The following RTL1 variants were observed in gnomAD, a reference collection of about 807,000 sequenced individuals.
RTL1 encodes retrotransposon Gag like 1, also known as retrotransposon-like protein 1.
For synonymous variants in RTL1, 727 were observed against 748.4 expected, an observed-to-expected ratio of 0.97 and a Z score of 0.47; for missense variants, 1,681 against 1,767.5, an observed-to-expected ratio of 0.95 and a Z score of 0.88.
rs747974765 is a variant in RTL1 at position 100,881,136 on chromosome 14, C to T, written c.3653G>A (p.Arg1218His). The change falls in exon 4 of 4, where the codon CGC becomes CAC. Residue 1218 changes from arginine (R) to histidine (H), a missense_variant. Physicochemically the swap from Arg to His is conservative, Grantham distance 29. Coordinates refer to ENST00000649591, the MANE Select transcript of RTL1 (RefSeq NM_001134888.3). This position sits in a 1 kb window ranked among gnomAD's most constrained non-coding sequence, Gnocchi z 6.6. ...ACCAACGACGTGCAGCTCCAGGTAG[C>T]GGTTCTGACGCAGGGCAGGGAGGTG... ...EGHLPALRQN[R>H]YLELHVVGDE... 2.7e-5 allele frequency: 42 copies of T among 1,559,036 alleles called. No homozygotes were observed. Among genetic ancestry groups the T allele is most frequent in the Middle Eastern group, 3.3e-4 (2 of 6,010 alleles).
At chr14:100,894,342 G>GAA (rs1273462658) in intron 2 of RTL1, among the ~76,000 whole-genome samples, 1 of 147,680 alleles carries the variant, frequency 6.8e-6, no homozygotes, top group African/African-American at 2.5e-5. Context: ...AAAAAGAAAA[G>GAA]AAAAAAACGT....
intron 2 of RTL1, among the ~76,000 whole-genome samples, chr14:100,900,318 A>G (rs183291104): frequency 6.6e-6 from 1 of 152,338 alleles, no homozygotes; most frequent in East Asian, 1.9e-4. Context: ...GTGTGTTAGT[A>G]CAGCCTTACC....
chr14:100,897,064 C>T (rs1212199077), intron 2 of RTL1, among the ~76,000 whole-genome samples: 1 of 152,202 alleles, frequency 6.6e-6, no homozygotes, highest in Non-Finnish European at 1.5e-5. Context: ...GGTGAAATCA[C>T]AGCCCTGGGC....
Position 100,884,347 on chromosome 14 carries a change from C to T in RTL1, c.442G>A (p.Glu148Lys), listed in dbSNP as rs373117193. ...HTDLKESGRE[E>K]TPQEQNQTEH... is the part of the protein sequence containing the mutation. ...GTCTGGTTTTGCTCTTGAGGAGTCT[C>T]CTCCCTTCCCGATTCCTTCAGGTCA... The change falls in exon 4 of 4, where the codon GAG becomes AAG. Residue 148 changes from glutamate (E) to lysine (K), a missense_variant. Glu to Lys is a moderately conservative substitution (Grantham distance 56, BLOSUM62 1). Transcript: ENST00000649591. 1 of 1,555,370 alleles carries T rather than the reference C, an allele frequency of 6.4e-7. No homozygotes were observed. Among genetic ancestry groups the T allele is most frequent in the African/African-American group, 1.4e-5 (1 of 73,380 alleles).
intron 2 of RTL1, among the ~76,000 whole-genome samples, chr14:100,902,343 A>T (rs1320289394): frequency 6.6e-6 from 1 of 152,138 alleles, no homozygotes; most frequent in Non-Finnish European, 1.5e-5. Context: ...GGGCGCCTCT[A>T]CACCTGTCCT....
At position 100,880,137 on chromosome 14, in the gene RTL1, G is replaced by T. The variant is rs2038585540; in HGVS notation, c.*575C>A. ...CTGAAGCAGATGTGGTGGGGGTGGGGGTGGGTTTGCTTGCAGGGTGTGATG... is the reference window on the plus strand; with the variant it reads ...CTGAAGCAGATGTGGTGGGGGTGGGTGTGGGTTTGCTTGCAGGGTGTGATG... On this transcript the variant is annotated 3_prime_UTR_variant, in exon 4 of 4. Transcript: ENST00000649591. Among the ~76,000 whole-genome samples, 1 of 147,942 alleles carries T rather than the reference G, an allele frequency of 6.8e-6. No individual in the cohort carries two copies. Among genetic ancestry groups the T allele is most frequent in the African/African-American group, 2.5e-5 (1 of 39,844 alleles).
At position 100,882,498 on chromosome 14, in the gene RTL1, G is replaced by C. The variant is rs1330094720; in HGVS notation, c.2291C>G (p.Ser764Cys). The C allele has an allele frequency of 1.3e-6, 2 of 1,551,984 alleles. No homozygotes were observed. Among genetic ancestry groups the C allele is most frequent in the Non-Finnish European group, 1.7e-6 (2 of 1,147,092 alleles). Residue 764 changes from serine to cysteine, a missense_variant, in exon 4 of 4, where the codon TCC (serine) becomes TGC (cysteine). Ser to Cys is a moderately radical substitution (Grantham distance 112). Transcript: ENST00000649591. Reference protein sequence around the residue: ...VRFRHHNVYCSLDKSQFHRQT... With the variant: ...VRFRHHNVYCCLDKSQFHRQT... Reference sequence around the variant, plus strand: ...GCGGTGGAACTGGCTCTTGTCCAGGGAGCAGTAGACGTTGTGATGGCGGAA... The same window carrying C: ...GCGGTGGAACTGGCTCTTGTCCAGGCAGCAGTAGACGTTGTGATGGCGGAA...
At chr14:100,894,589 C>A (rs1394455110) in intron 2 of RTL1, 1 of 152,432 alleles carries the variant, frequency 6.6e-6, no homozygotes, top group Non-Finnish European at 1.5e-5. Flanking sequence ...CTTCCCTCAG[C>A]ACACAGTAGG....
chr14:100,897,441 C>G (rs1163713594), intron 2 of RTL1, among the ~76,000 whole-genome samples: 1 of 152,108 alleles, frequency 6.6e-6, no homozygotes, highest in Non-Finnish European at 1.5e-5. Context: ...CCATCACCCC[C>G]CAGCAAATTA....
At chr14:100,887,224 A>G (rs778347664) in intron 3 of RTL1, among the ~76,000 whole-genome samples, 2 of 152,146 alleles carry the variant, frequency 1.3e-5, no homozygotes, top group Non-Finnish European at 2.9e-5. Flanking sequence ...CTTAATTCCA[A>G]ACCTCTTCGC....
At position 100,897,686 on chromosome 14, in the gene RTL1, A is replaced by G. The variant is rs1014188784; in HGVS notation, c.-148-4181T>C. The G allele has an allele frequency of 2.2e-5, 5 of 225,780 alleles. No individual in the cohort carries two copies. The South Asian group carries it at 3.0e-4, about 13-fold the overall frequency. 14.0% of individuals were successfully genotyped at this position (225,780 alleles called of 1,614,324 possible). On this transcript the variant is annotated intron_variant, in intron 2 of 3. Transcript: ENST00000649591. ...CACCTCAGTATCCTGCGAGCTGTAC[A>G]CACCAGAGTTTATTTAACCACCTTG...
At chr14:100,891,478 A>T (rs953850560) in intron 3 of RTL1, among the ~76,000 whole-genome samples, 1 of 152,124 alleles carries the variant, frequency 6.6e-6, no homozygotes, top group Admixed American at 6.5e-5. Context: ...TCTTCTGTAG[A>T]GGGACCCCCA....
In RTL1 at chr14:100,884,049, C is replaced by G; in HGVS notation, c.740G>C (p.Gly247Ala). ...AGCTTTGGCCCATTCTAATGCCAAG[C>G]CGGACAGGTGATTGATGACATAGCC... The part of the protein sequence containing the change: ...RVGYVINHLS[G>A]LALEWAKALL... Residue 247 changes from glycine to alanine, a missense_variant, in exon 4 of 4, where the codon GGC becomes GCC. Physicochemically the swap from Gly to Ala is moderately conservative, Grantham distance 60. Coordinates refer to ENST00000649591, the MANE Select transcript of RTL1 (RefSeq NM_001134888.3). 6.4e-7 allele frequency: 1 copy of G among 1,551,692 alleles called. No individual in the cohort carries two copies. The highest frequency in any genetic ancestry group is 2.4e-5 in the East Asian group (1 of 40,916).
intron 2 of RTL1, among the ~76,000 whole-genome samples, 84 bp downstream of exon 2, chr14:100,903,207 C>T (rs950015965): frequency 6.6e-6 from 1 of 152,128 alleles, no homozygotes; most frequent in Non-Finnish European, 1.5e-5. Flanking sequence ...GGAGGAGAAA[C>T]TCAGCGGGGT....
chr14:100,891,240 C>T (rs1487610564), intron 3 of RTL1, among the ~76,000 whole-genome samples: 1 of 152,124 alleles, frequency 6.6e-6, no homozygotes, highest in Non-Finnish European at 1.5e-5. Flanking sequence ...TTGAGCCTTA[C>T]AGGGTGGGAG....
In RTL1 at chr14:100,881,664, T is replaced by A. The variant is rs368041095; in HGVS notation, c.3125A>T (p.Asn1042Ile). Residue 1042 changes from asparagine to isoleucine, a missense_variant, in exon 4 of 4, where the codon AAT becomes ATT. Coordinates refer to ENST00000649591, the MANE Select transcript of RTL1 (RefSeq NM_001134888.3). This position sits in a 1 kb window ranked among gnomAD's most constrained non-coding sequence, Gnocchi z 6.6. Reference protein sequence around the residue: ...EEENEEQDELNEQILRQELLA... With the variant: ...EEENEEQDELIEQILRQELLA... ...CAGCTCTTGCCGTAGGATCTGTTCA[T>A]TGAGCTCATCCTGTTCTTCATTCTC... 3.9e-6 allele frequency: 6 copies of A among 1,553,076 alleles called. No homozygotes were observed. Among genetic ancestry groups the A allele is most frequent in the African/African-American group, 2.7e-5 (2 of 73,204 alleles).
At position 100,883,805 on chromosome 14, in the gene RTL1, C is replaced by T; in HGVS notation, c.984G>A (p.Gln328=). Residue 328 remains glutamine (Q), a synonymous_variant, in exon 4 of 4, where the codon CAG becomes CAA. Coordinates refer to ENST00000649591, the MANE Select transcript of RTL1 (RefSeq NM_001134888.3). This position sits in a 1 kb window ranked among gnomAD's most constrained non-coding sequence, Gnocchi z 5.9. ...AGTGCCTGATCTCCTCGTTGAGCCC[C>T]TGGCACAAGTGGGCCTGCAGGACTT... ...PDEVLQAHLC[Q]GLNEEIRHYL... is the part of the protein sequence containing the mutation. 6.4e-7 allele frequency: 1 copy of T among 1,551,704 alleles called. No homozygotes were observed. The highest frequency in any genetic ancestry group is 8.7e-7 in the Non-Finnish European group (1 of 1,146,990).
chr14:100,889,139 T>A (rs1481003416), intron 3 of RTL1, among the ~76,000 whole-genome samples: 1 of 152,228 alleles, frequency 6.6e-6, no homozygotes, highest in East Asian at 1.9e-4. Flanking sequence ...AAAACTTTGA[T>A]CCTGTCATCC....
Position 100,879,791 on chromosome 14 carries a change from TG to T in RTL1, c.*920del, listed in dbSNP as rs1286000997. Among the ~76,000 whole-genome samples, 1 of 143,554 alleles carries T rather than the reference TG, an allele frequency of 7.0e-6. No individual in the cohort carries two copies. The highest frequency in any genetic ancestry group is 2.3e-4 in the East Asian group (1 of 4,312). 94.2% of individuals were successfully genotyped at this position (143,554 alleles called of 152,430 possible). A position where few individuals can be genotyped will look rare whatever the true frequency, so the allele number is the denominator to read the frequency against. On this transcript the variant is annotated 3_prime_UTR_variant, in exon 4 of 4. Transcript: ENST00000649591. ...CTTTATTTGAGGAGTGCAAAAAGAT[TG>T]GGGGGTGAGAAAGCTCGGGGGGTGG...
Sources: gnomAD v4.1 joint callset for allele counts (sites outside exome capture counted in the v4.1 genomes callset) on GRCh38, gnomAD v4.1.1 for gene constraint, Gnocchi (gnomAD v3.1) non-coding constraint, MANE v1.5 for transcripts, NCBI Gene and HGNC (gene_info 2026-07-23, HGNC 2026-07-21) for gene names.